Variants in ST8SIA5 observed in about 807,000 individuals in gnomAD.
The protein encoded by ST8SIA5 is ST8 alpha-N-acetyl-neuraminide alpha-2,8-sialyltransferase 5.
A neutral mutation model predicts 40.2 loss-of-function variants in ST8SIA5; 24 were observed. The observed-to-expected ratio is 0.60, with a 90% CI of 0.43 to 0.84. The LOEUF is 0.84. ST8SIA5 is among the 40% of genes least tolerant of loss of function. The pLI, the probability that ST8SIA5 is intolerant of heterozygous loss-of-function variation, is 0.00. For synonymous variants in ST8SIA5, 198 were observed against 201.8 expected (o/e 0.98, Z 0.16); for missense variants, 465 against 498.5 (o/e 0.93, Z 0.64).
chr18:46,714,618 C>T (rs2039767440), intron 1 of ST8SIA5, among the ~76,000 whole-genome samples: 2 of 152,092 alleles, frequency 1.3e-5, no homozygotes, highest in South Asian at 2.1e-4. Flanking sequence ...TATCCCCCCA[C>T]GGAAGTGCTG....
Position 46,756,480 on chromosome 18 carries a change from CG to C in ST8SIA5, c.28del (p.Arg10GlyfsTer20), listed in dbSNP as rs772570215. ...CAAAGTTCGGCTCCCCAACAAATCCCGGTTGGCCGAGGGGTCCGCGTAGCGC... is the reference window on the plus strand; with the variant it reads ...CAAAGTTCGGCTCCCCAACAAATCCCGTTGGCCGAGGGGTCCGCGTAGCGC... MRYADPSAN[R>X]DLLGSRTLLF... On this transcript the variant is annotated frameshift_variant, in exon 1 of 7. Transcript: ENST00000315087. LOFTEE classifies it high-confidence loss of function. The C allele has an allele frequency of 6.2e-7, 1 of 1,613,090 alleles. No individual in the cohort carries two copies. The highest frequency in any genetic ancestry group is 1.1e-5 in the South Asian group (1 of 91,044).
At chr18:46,713,812 A>C (rs1029437272) in intron 1 of ST8SIA5, among the ~76,000 whole-genome samples, 3 of 152,170 alleles carry the variant, frequency 2.0e-5, no homozygotes, top group Admixed American at 6.5e-5. Context: ...GAGCAGATTC[A>C]AGGGAGAAGG....
chr18:46,740,186 G>C (rs1421665050), intron 1 of ST8SIA5, among the ~76,000 whole-genome samples: 2 of 151,992 alleles, frequency 1.3e-5, no homozygotes, highest in East Asian at 3.9e-4. Context: ...TTGATGAATA[G>C]TCTGGCAAGA....
At chr18:46,742,125 A>C (rs1329814522) in intron 1 of ST8SIA5, among the ~76,000 whole-genome samples, 1 of 151,822 alleles carries the variant, frequency 6.6e-6, no homozygotes, top group Non-Finnish European at 1.5e-5. Context: ...AAATAAATAT[A>C]ATTTTCAAAA....
In ST8SIA5 at chr18:46,725,477, C is replaced by T. The variant is rs545292936; in HGVS notation, c.132-20813G>A. Reference sequence around the variant, plus strand: ...CAGTCCCCTCCCAGGACTATAGAAGCGAGGGACTACTGAGCAGAAAATATG... The same window carrying T: ...CAGTCCCCTCCCAGGACTATAGAAGTGAGGGACTACTGAGCAGAAAATATG... On this transcript the variant is annotated intron_variant, in intron 1 of 6. Coordinates refer to ENST00000315087, the MANE Select transcript of ST8SIA5 (RefSeq NM_013305.6). 2.6e-5 allele frequency among the ~76,000 whole-genome samples: 4 copies of T among 151,906 alleles called. No individual in the cohort carries two copies. The South Asian group carries it at 6.3e-4, about 24-fold the overall frequency.
intron 2 of ST8SIA5, among the ~76,000 whole-genome samples, chr18:46,701,130 C>CTTTTTTTTTTTT (rs755571106): frequency 2.2e-5 from 1 of 45,818 alleles, no homozygotes. Context: ...GAGATAGGGC[C>CTTTTTTTTTTTT]TTTTTTTTTT....
In ST8SIA5 at chr18:46,738,786, C is replaced by CG. The variant is rs58248435; in HGVS notation, c.131+17591dup. ...GAACAGAAGGCTTTGTCCCCTGGGT[C>CG]GGGGGAGAGTTGGCTCAGTGATGAG... On this transcript the variant is annotated intron_variant, in intron 1 of 6. Transcript: ENST00000315087. Among the ~76,000 whole-genome samples, 555 of 152,172 alleles carry CG rather than the reference C, an allele frequency of 3.6e-3. 4 individuals are homozygous for CG. The highest frequency in any genetic ancestry group is 0.013 in the African/African-American group (530 of 41,536).
intron 6 of ST8SIA5, 89 bp from the exon 7 acceptor site, chr18:46,680,599 A>C (rs1599095835): frequency 2.2e-6 from 3 of 1,378,540 alleles, no homozygotes; most frequent in African/African-American, 1.4e-5. Context: ...GGGGCTTTGC[A>C]AAGGACGGAA....
chr18:46,686,335 C>T (rs201977369), intron 4 of ST8SIA5, 49 bp from the exon 5 acceptor site: 148 of 1,487,894 alleles, frequency 9.9e-5, no homozygotes, highest in Non-Finnish European at 1.2e-4. Flanking sequence ...CCCCCTGCCT[C>T]GACCTGCTAC....
chr18:46,685,384 C>T (rs1382978857), intron 5 of ST8SIA5, among the ~76,000 whole-genome samples: 1 of 152,180 alleles, frequency 6.6e-6, no homozygotes, highest in African/African-American at 2.4e-5. Flanking sequence ...AGCACATGGG[C>T]AGACTCCAGA....
In ST8SIA5 at chr18:46,691,287, C is replaced by T. The variant is rs139874245; in HGVS notation, c.311+882G>A. On this transcript the variant is annotated intron_variant, in intron 3 of 6. Coordinates refer to ENST00000315087, the MANE Select transcript of ST8SIA5 (RefSeq NM_013305.6). ...ATTTCTAAAAATGTGCCTCTTAAAA[C>T]TACTACTCTACCTCTAGACTTGGTC... Among the ~76,000 whole-genome samples the T allele has an allele frequency of 2.7e-3, 413 of 152,332 alleles. 3 individuals carry two copies. The highest frequency in any genetic ancestry group is 9.4e-3 in the African/African-American group (391 of 41,572).
At chr18:46,694,494 C>G (rs2144485830) in intron 2 of ST8SIA5, among the ~76,000 whole-genome samples, 1 of 152,284 alleles carries the variant, frequency 6.6e-6, no homozygotes, top group African/African-American at 2.4e-5. Flanking sequence ...CTTGATCATG[C>G]ACAGTCCCCA....
chr18:46,702,976 C>T (rs941991247), intron 2 of ST8SIA5, among the ~76,000 whole-genome samples: 1 of 152,194 alleles, frequency 6.6e-6, no homozygotes, highest in Non-Finnish European at 1.5e-5. Context: ...TTCCAGGAAC[C>T]GCTGAGCTAT....
At chr18:46,735,530 A>C (rs2040025308) in intron 1 of ST8SIA5, among the ~76,000 whole-genome samples, 1 of 152,184 alleles carries the variant, frequency 6.6e-6, no homozygotes, top group Non-Finnish European at 1.5e-5. Flanking sequence ...ACTTATAAAT[A>C]AGTGCATGCA....
intron 1 of ST8SIA5, among the ~76,000 whole-genome samples, chr18:46,747,219 T>A (rs1406213531): frequency 6.6e-6 from 1 of 152,008 alleles, no homozygotes; most frequent in Non-Finnish European, 1.5e-5. Context: ...AATAGACAAA[T>A]GGTATCTAAT....
chr18:46,750,428 T>G (rs1484820490), intron 1 of ST8SIA5, among the ~76,000 whole-genome samples: 3 of 152,168 alleles, frequency 2.0e-5, no homozygotes, highest in African/African-American at 7.2e-5. Context: ...TCCATGCCCC[T>G]CATTGTGGAA....
chr18:46,703,428 C>G (rs954440725), intron 2 of ST8SIA5, among the ~76,000 whole-genome samples: 34 of 152,162 alleles, frequency 2.2e-4, no homozygotes, highest in African/African-American at 8.2e-4. Flanking sequence ...TTCGGCTAGT[C>G]TACAGCAACC....
At chr18:46,751,369 T>G (rs1314562149) in intron 1 of ST8SIA5, among the ~76,000 whole-genome samples, 2 of 151,848 alleles carry the variant, frequency 1.3e-5, no homozygotes, top group African/African-American at 2.4e-5. Flanking sequence ...TGGATTTATT[T>G]ATTTATTTAT....
chr18:46,704,308 AG>A (rs1287347704), intron 2 of ST8SIA5, among the ~76,000 whole-genome samples: 1 of 152,190 alleles, frequency 6.6e-6, no homozygotes, highest in African/African-American at 2.4e-5. Context: ...CCAGTAATTG[AG>A]GCGGGGACTT....
Sources: gnomAD v4.1 joint callset for allele counts (sites outside exome capture counted in the v4.1 genomes callset) on GRCh38, gnomAD v4.1.1 for gene constraint, MANE v1.5 for transcripts, NCBI Gene and HGNC (gene_info 2026-07-23, HGNC 2026-07-21) for gene names.